The following DPP6 variants were observed in gnomAD, a reference collection of about 807,000 sequenced individuals.
DPP6 encodes the protein A-type potassium channel modulatory protein DPP6.
DPP6 carries 69 observed loss-of-function variants against 122.6 expected under a neutral mutation model. That is an observed-to-expected ratio of 0.56 (90% CI 0.46 to 0.69). The LOEUF (loss-of-function observed/expected upper bound fraction) is 0.69. Among genes scored for constraint, DPP6 ranks in the 30% least tolerant of loss-of-function variants. The pLI is 0.00. For missense variants in DPP6, 928 were observed against 1,116.9 expected (o/e 0.83, Z 2.41); for synonymous variants, 418 against 433.1 (o/e 0.97, Z 0.43).
At chr7:154,538,311 T>C (rs1286669029) in intron 3 of DPP6, among the ~76,000 whole-genome samples, 2 of 152,096 alleles carry the variant, frequency 1.3e-5, no homozygotes, top group African/African-American at 2.4e-5. Context: ...ATGTGTACCA[T>C]GGTGGTTTGC....
chr7:154,708,911 G>A (rs892514777), intron 7 of DPP6, among the ~76,000 whole-genome samples: 1 of 152,046 alleles, frequency 6.6e-6, no homozygotes, highest in Non-Finnish European at 1.5e-5. Flanking sequence ...AGCTGGGCAT[G>A]GTGGCACATG....
At chr7:154,870,441 CA>C (rs77380275) in intron 18 of DPP6, among the ~76,000 whole-genome samples, 38,984 of 151,314 alleles carry the variant, frequency 0.26, 6,380 homozygotes, top group East Asian at 0.54. Flanking sequence ...CCCATCTCTA[CA>C]AAAAAATACA....
chr7:153,970,461 A>G (rs375873649), intron 1 of DPP6, among the ~76,000 whole-genome samples: 77 of 152,302 alleles, frequency 5.1e-4, no homozygotes, highest in African/African-American at 1.9e-3. Flanking sequence ...AACAATCTTA[A>G]TAGTGCCTTT....
At chr7:154,728,855 C>T (rs955744453) in intron 8 of DPP6, among the ~76,000 whole-genome samples, 5 of 152,120 alleles carry the variant, frequency 3.3e-5, no homozygotes, top group Admixed American at 2.6e-4. Flanking sequence ...ATCTTTTTAT[C>T]TTTTTATCTC....
chr7:153,820,341 C>A, the DPP6 span, among the ~76,000 whole-genome samples: 5 of 152,296 alleles, frequency 3.3e-5, no homozygotes, highest in East Asian at 3.9e-4. Flanking sequence ...AGCAAATAAA[C>A]CCTGTAATCT....
At chr7:154,645,356 C>T (rs534643673) in intron 6 of DPP6, among the ~76,000 whole-genome samples, 21 of 152,192 alleles carry the variant, frequency 1.4e-4, no homozygotes, top group African/African-American at 4.3e-4. Context: ...TGAGCCACTG[C>T]GCCCGGCCTG....
At chr7:154,860,995 A>G (rs943449951) in intron 17 of DPP6, among the ~76,000 whole-genome samples, 4 of 152,220 alleles carry the variant, frequency 2.6e-5, no homozygotes, top group African/African-American at 7.2e-5. Flanking sequence ...AGGAAAGTAA[A>G]TGTTAAAAGA....
intron 1 of DPP6, among the ~76,000 whole-genome samples, chr7:154,119,159 T>C (rs1284443601): frequency 6.6e-6 from 1 of 152,144 alleles, no homozygotes; most frequent in East Asian, 1.9e-4. Context: ...TCTTTCCCTA[T>C]ATACATATGG....
Position 154,400,481 on chromosome 7 carries a change from G to A in DPP6, c.244-45733G>A, listed in dbSNP as rs1174018273. Among the ~76,000 whole-genome samples the A allele has an allele frequency of 2.0e-5, 3 of 152,316 alleles. No homozygotes were observed. The South Asian group carries it at 6.2e-4, about 32-fold the overall frequency. Reference sequence around the variant, plus strand: ...ATCATGAATGAGATCATGAGGAAAGGCTCCTTGGATTTCCCACTGGGGCCA... The same window carrying A: ...ATCATGAATGAGATCATGAGGAAAGACTCCTTGGATTTCCCACTGGGGCCA... On this transcript the variant is annotated intron_variant, in intron 1 of 25. Transcript: ENST00000377770.
At chr7:154,685,923 C>T (rs572389500) in intron 7 of DPP6, among the ~76,000 whole-genome samples, 3 of 152,162 alleles carry the variant, frequency 2.0e-5, no homozygotes, top group Middle Eastern at 3.4e-3. Flanking sequence ...GTGTGATTTT[C>T]CCCCCATCAA....
chr7:153,786,169 T>C, the DPP6 span, among the ~76,000 whole-genome samples: 17 of 152,036 alleles, frequency 1.1e-4, no homozygotes, highest in Admixed American at 5.2e-4. Context: ...CTTTTGAGAG[T>C]TCTTGCTAGT....
exon 1 of DPP6, chr7:153,887,539 A>C (rs944551151): frequency 1.1e-6 from 1 of 889,006 alleles, no homozygotes; most frequent in African/African-American, 1.7e-5. Flanking sequence ...AGGTGAGAAA[A>C]CTGAAGACCT....
At chr7:154,565,753 G>C (rs768283721) in intron 4 of DPP6, among the ~76,000 whole-genome samples, 3 of 152,194 alleles carry the variant, frequency 2.0e-5, no homozygotes, top group Non-Finnish European at 4.4e-5. Context: ...TCGAACTCCT[G>C]ACCTCAGGTG....
intron 3 of DPP6, among the ~76,000 whole-genome samples, chr7:154,539,533 A>G (rs1828542374): frequency 6.6e-6 from 1 of 152,108 alleles, no homozygotes; most frequent in South Asian, 2.1e-4. Context: ...CCTAATGTAA[A>G]TGATGAGTTA....
At chr7:154,880,790 A>G (rs1805324974) in intron 20 of DPP6, 98 bp from the exon 21 acceptor site, 1 of 1,602,332 alleles carries the variant, frequency 6.2e-7, no homozygotes, top group South Asian at 1.1e-5. Flanking sequence ...AGGGGTTTTC[A>G]TCCTTGAAAT....
intron 4 of DPP6, among the ~76,000 whole-genome samples, chr7:154,557,539 G>T (rs1204109666): frequency 1.3e-5 from 2 of 152,048 alleles, no homozygotes; most frequent in Non-Finnish European, 2.9e-5. Flanking sequence ...ATAGAACCGT[G>T]GCAAAACAAA....
intron 1 of DPP6, among the ~76,000 whole-genome samples, chr7:154,211,372 T>C (rs4296959): frequency 0.79 from 120,751 of 151,994 alleles, 48,183 homozygotes; most frequent in Middle Eastern, 0.84. Context: ...ATTCCACACC[T>C]GAGTCAGGGA....
intron 6 of DPP6, among the ~76,000 whole-genome samples, chr7:154,665,376 A>C (rs532455315): frequency 6.6e-6 from 1 of 152,132 alleles, no homozygotes; most frequent in Non-Finnish European, 1.5e-5. Flanking sequence ...ATTTTATTCT[A>C]TGGGTTAATC....
intron 20 of DPP6, 118 bp from the exon 21 acceptor site, chr7:154,880,770 T>G: frequency 6.4e-7 from 1 of 1,556,594 alleles, no homozygotes; most frequent in East Asian, 2.3e-5. Context: ...AGGTTGCTTT[T>G]TATTTGAAGA....
Sources: allele counts gnomAD v4.1 joint callset (sites outside exome capture counted in the v4.1 genomes callset), GRCh38; gene constraint gnomAD v4.1.1; transcripts MANE v1.5; gene names NCBI Gene and HGNC (gene_info 2026-07-23, HGNC 2026-07-21).